The following KCNQ5 variants were observed in gnomAD, a reference collection of about 807,000 sequenced individuals.
KCNQ5 encodes the protein potassium voltage-gated channel subfamily Q member 5, also known as potassium voltage-gated channel subfamily KQT member 5.
KCNQ5 carries 30 observed loss-of-function variants against 98.2 expected under a neutral mutation model. The observed-to-expected ratio is 0.31, with a 90% confidence interval of 0.23 to 0.41. The LOEUF is 0.41. Ranked by LOEUF, KCNQ5 falls within the 10% of genes least tolerant of loss-of-function variation. The pLI is 1.00. For synonymous variants in KCNQ5, 458 were observed against 449.4 expected (o/e 1.02, Z -0.24); for missense variants, 835 against 1,182.5 (o/e 0.71, Z 4.31).
At chr6:72,889,300 G>A (rs555931523) in intron 1 of KCNQ5, among the ~76,000 whole-genome samples, 1 of 152,308 alleles carries the variant, frequency 6.6e-6, no homozygotes, top group East Asian at 1.9e-4. Flanking sequence ...GGAACAGAAT[G>A]AGGCAGAGGG....
chr6:72,718,402 G>A (rs529467766), intron 1 of KCNQ5, among the ~76,000 whole-genome samples: 1 of 146,976 alleles, frequency 6.8e-6, no homozygotes, highest in African/African-American at 2.5e-5. Flanking sequence ...TTCAATTGGA[G>A]ATTGAGGAGC....
chr6:73,164,471 T>C (rs75523694), intron 10 of KCNQ5, among the ~76,000 whole-genome samples: 2 of 152,180 alleles, frequency 1.3e-5, no homozygotes, highest in East Asian at 3.8e-4. Context: ...TTGAGTATAA[T>C]GTAATTGATG....
chr6:73,145,165 A>G (rs908175898), intron 10 of KCNQ5, among the ~76,000 whole-genome samples: 2 of 152,228 alleles, frequency 1.3e-5, no homozygotes, highest in African/African-American at 4.8e-5. Flanking sequence ...CTAAGAAAGA[A>G]AAGGAAAATA....
chr6:72,776,454 A>C (rs188915936), intron 1 of KCNQ5, among the ~76,000 whole-genome samples: 4 of 152,230 alleles, frequency 2.6e-5, no homozygotes, highest in Non-Finnish European at 5.9e-5. Context: ...AACTTCATGC[A>C]GAAGAGATGA....
chr6:72,812,420 G>T (rs1381836617), intron 1 of KCNQ5, among the ~76,000 whole-genome samples: 1 of 152,142 alleles, frequency 6.6e-6, no homozygotes, highest in Non-Finnish European at 1.5e-5. Context: ...CATGTTTATT[G>T]AATGAAATCA....
At chr6:73,016,595 G>C (rs1053239893) in intron 2 of KCNQ5, among the ~76,000 whole-genome samples, 4 of 152,080 alleles carry the variant, frequency 2.6e-5, no homozygotes, top group Admixed American at 1.3e-4. Flanking sequence ...GAATGGACTA[G>C]AGCAGAGAGT....
At chr6:72,705,592 T>TG (rs1189632988) in intron 1 of KCNQ5, among the ~76,000 whole-genome samples, 3 of 100,286 alleles carry the variant, frequency 3.0e-5, no homozygotes, top group East Asian at 2.7e-4. Flanking sequence ...TTGTTTTTGT[T>TG]TTTTTTTTTG....
At chr6:72,846,705 G>A (rs1328804432) in intron 1 of KCNQ5, among the ~76,000 whole-genome samples, 1 of 152,064 alleles carries the variant, frequency 6.6e-6, no homozygotes, top group East Asian at 1.9e-4. Context: ...GACTGCTTAT[G>A]TACCTTCCTT....
intron 10 of KCNQ5, among the ~76,000 whole-genome samples, chr6:73,141,139 C>G (rs919975175): frequency 6.6e-6 from 1 of 152,154 alleles, no homozygotes; most frequent in Non-Finnish European, 1.5e-5. Context: ...AGCTGGAAGT[C>G]CAAGATCATG....
At chr6:72,753,737 C>A (rs1668810247) in intron 1 of KCNQ5, among the ~76,000 whole-genome samples, 1 of 151,700 alleles carries the variant, frequency 6.6e-6, no homozygotes, top group Non-Finnish European at 1.5e-5. Context: ...AGTGATGCAC[C>A]TTTTAAAATA....
intron 1 of KCNQ5, among the ~76,000 whole-genome samples, chr6:72,823,617 G>C (rs907672502): frequency 6.6e-6 from 1 of 152,146 alleles, no homozygotes; most frequent in Admixed American, 6.5e-5. Flanking sequence ...CAAGTTGTTG[G>C]CAGGCTCTGG....
chr6:72,966,959 A>G (rs1352133765), intron 1 of KCNQ5, among the ~76,000 whole-genome samples: 1 of 152,248 alleles, frequency 6.6e-6, no homozygotes. Context: ...CTGAGTTTTT[A>G]AAATATATCT....
At chr6:72,748,273 C>G (rs919715536) in intron 1 of KCNQ5, among the ~76,000 whole-genome samples, 1 of 152,076 alleles carries the variant, frequency 6.6e-6, no homozygotes, top group Non-Finnish European at 1.5e-5. Flanking sequence ...TAAGGTTAAA[C>G]TCAAAAGTGA....
intron 1 of KCNQ5, among the ~76,000 whole-genome samples, chr6:72,958,597 T>G (rs1767195548): frequency 6.6e-6 from 1 of 152,212 alleles, no homozygotes; most frequent in South Asian, 2.1e-4. Flanking sequence ...TAGATTATTT[T>G]GTGCAGGTAT....
chr6:73,109,607 T>C (rs539627969), intron 6 of KCNQ5, among the ~76,000 whole-genome samples: 2 of 152,324 alleles, frequency 1.3e-5, no homozygotes, highest in East Asian at 3.9e-4. Context: ...TGTTCTGGAT[T>C]TAGAAATGGA....
At chr6:73,104,324 G>A (rs1246887261) in intron 5 of KCNQ5, among the ~76,000 whole-genome samples, 2 of 151,918 alleles carry the variant, frequency 1.3e-5, no homozygotes, top group Non-Finnish European at 2.9e-5. Context: ...TTCCAAAAAA[G>A]AAATCAAGAG....
intron 1 of KCNQ5, among the ~76,000 whole-genome samples, chr6:72,636,211 C>T (rs1006737048): frequency 6.6e-6 from 1 of 152,006 alleles, no homozygotes; most frequent in East Asian, 1.9e-4. Flanking sequence ...TAAAGAAGTC[C>T]AAATATATTT....
At chr6:72,737,028 T>C (rs1230931253) in intron 1 of KCNQ5, among the ~76,000 whole-genome samples, 4 of 151,986 alleles carry the variant, frequency 2.6e-5, no homozygotes, top group Admixed American at 2.6e-4. Context: ...TGGCGCGATC[T>C]CAGCTCACTG....
intron 11 of KCNQ5, among the ~76,000 whole-genome samples, chr6:73,178,414 C>T (rs558020579): frequency 4.0e-5 from 6 of 149,780 alleles, no homozygotes; most frequent in African/African-American, 1.5e-4. Context: ...ATAGCAAGAC[C>T]CATCTCTACA....
Sources: gnomAD v4.1 joint callset for allele counts (sites outside exome capture counted in the v4.1 genomes callset) on GRCh38, gnomAD v4.1.1 for gene constraint, MANE v1.5 for transcripts, NCBI Gene and HGNC (gene_info 2026-07-23, HGNC 2026-07-21) for gene names.